Variants in TENM3 observed in about 807,000 individuals in gnomAD.
The protein encoded by TENM3 is teneurin transmembrane protein 3.
Under a neutral mutation model 255.1 loss-of-function variants are expected in TENM3, and 63 were observed. The observed-to-expected ratio is 0.25, with a 90% CI of 0.20 to 0.30. The LOEUF (loss-of-function observed/expected upper bound fraction) is 0.30, where lower values mean the gene tolerates loss of function less well. Ranked by LOEUF, TENM3 falls within the 10% of genes least tolerant of loss-of-function variation. The probability of loss-of-function intolerance (pLI) is 1.00; values close to 1 mark genes in which losing one functional copy is unlikely to be tolerated. For missense variants in TENM3, 2,929 were observed against 3,461.1 expected, an observed-to-expected ratio of 0.85 and a Z score of 3.86; for synonymous variants, 1,306 against 1,322.3, an observed-to-expected ratio of 0.99 and a Z score of 0.27.
chr4:182,568,881 G>A (rs1272726862), intron 3 of TENM3, among the ~76,000 whole-genome samples: 3 of 152,164 alleles, frequency 2.0e-5, no homozygotes, highest in Non-Finnish European at 4.4e-5. Context: ...AGGCACAAAC[G>A]AGTACATACT....
intron 11 of TENM3, among the ~76,000 whole-genome samples, chr4:182,683,100 A>G (rs1018210647): frequency 1.3e-5 from 2 of 152,178 alleles, no homozygotes; most frequent in African/African-American, 4.8e-5. Flanking sequence ...ACTTAAGAGC[A>G]TGGACTGTGA....
the TENM3 span, among the ~76,000 whole-genome samples, chr4:181,852,900 T>G: frequency 6.6e-5 from 10 of 152,300 alleles, no homozygotes; most frequent in African/African-American, 2.4e-4. Flanking sequence ...TTAACGCCAC[T>G]GAATCTTACA....
the TENM3 span, among the ~76,000 whole-genome samples, chr4:181,489,551 G>A: frequency 6.6e-6 from 1 of 152,138 alleles, no homozygotes; most frequent in African/African-American, 2.4e-5. Flanking sequence ...TGAATCATCT[G>A]GAAGTCTCAC....
At chr4:181,794,522 CAAG>C in the TENM3 span, among the ~76,000 whole-genome samples, 1 of 152,110 alleles carries the variant, frequency 6.6e-6, no homozygotes, top group African/African-American at 2.4e-5. Flanking sequence ...ATTCCACATA[CAAG>C]TGAGATCCTG....
chr4:182,673,763 A>G (rs2152554796), intron 7 of TENM3, among the ~76,000 whole-genome samples: 1 of 152,356 alleles, frequency 6.6e-6, no homozygotes, highest in Admixed American at 6.5e-5. Context: ...GAGAGCTTTC[A>G]GAGATAACCA....
chr4:181,986,559 C>T, the TENM3 span, among the ~76,000 whole-genome samples: 2 of 152,120 alleles, frequency 1.3e-5, no homozygotes, highest in East Asian at 3.9e-4. Context: ...CATGACTCCC[C>T]CTTCAATATT....
rs1766180252 is a variant in TENM3 at position 182,792,401 on chromosome 4, A to G, written c.5729A>G (p.Tyr1910Cys). Residue 1910 changes from tyrosine (Y) to cysteine (C), a missense_variant, in exon 26 of 28, where the codon TAC (tyrosine) becomes TGC (cysteine). This residue lies in a region of TENM3 where 303 missense variants were observed against 425.2 expected (regional missense o/e 0.71). Coordinates refer to ENST00000511685, the MANE Select transcript of TENM3 (RefSeq NM_001080477.4). The surrounding 1 kb of genome is among the most constrained non-coding windows in gnomAD (Gnocchi z 6.3). ...HTMQTIRSIG[Y>C]YRNIYNPPES... ...ATGCAGACCATCCGATCCATTGGCT[A>G]CTACCGCAACATATACAACCCCCCG... The G allele has an allele frequency of 2.5e-6, 4 of 1,614,046 alleles. No individual in the cohort carries two copies. The East Asian group carries it at 8.9e-5, about 36-fold the overall frequency.
rs1363588253 is a variant in TENM3 at position 182,738,319 on chromosome 4, A to G, written c.3236-82A>G. 2.3e-6 allele frequency: 3 copies of G among 1,316,616 alleles called. No homozygotes were observed. The African/African-American group carries it at 4.5e-5, about 20-fold the overall frequency. The allele number at this position is 1,316,616 out of a possible 1,614,324, so 81.6% of individuals were successfully genotyped here. A position where few individuals can be genotyped will look rare whatever the true frequency, so the allele number is the denominator to read the frequency against. On this transcript the variant is annotated intron_variant, in intron 17 of 27. Transcript: ENST00000511685. ...CAGTCTCAGAACACAGATGTGAAAA[A>G]GGCAGTTTTTTCCAAGTAAGAAAAT...
chr4:181,668,892 A>C, the TENM3 span, among the ~76,000 whole-genome samples: 30 of 152,306 alleles, frequency 2.0e-4, no homozygotes, highest in East Asian at 1.5e-3. Flanking sequence ...AGTTTAACTT[A>C]ACTTACACCT....
intron 2 of TENM3, among the ~76,000 whole-genome samples, chr4:182,339,787 C>A (rs1409327745): frequency 2.0e-5 from 3 of 152,130 alleles, no homozygotes; most frequent in South Asian, 2.1e-4. Flanking sequence ...TACTGCAGTT[C>A]GACTATCAGA....
chr4:182,151,169 G>T (rs1315104643), intron 1 of TENM3, among the ~76,000 whole-genome samples: 1 of 152,030 alleles, frequency 6.6e-6, no homozygotes, highest in Non-Finnish European at 1.5e-5. Flanking sequence ...TCTTAGGAGA[G>T]TTTATGTTCT....
chr4:181,778,377 A>G, the TENM3 span, among the ~76,000 whole-genome samples: 1 of 152,152 alleles, frequency 6.6e-6, no homozygotes, highest in African/African-American at 2.4e-5. Context: ...AATGTTGGTA[A>G]CTTTATTGTA....
intron 1 of TENM3, among the ~76,000 whole-genome samples, chr4:182,165,427 C>CGA (rs1314165966): frequency 3.3e-5 from 5 of 152,182 alleles, no homozygotes; most frequent in Admixed American, 3.3e-4. Context: ...AAGCTGACTT[C>CGA]TGATTTGTGG....
At chr4:181,782,180 G>C in the TENM3 span, among the ~76,000 whole-genome samples, 1 of 152,108 alleles carries the variant, frequency 6.6e-6, no homozygotes, top group Non-Finnish European at 1.5e-5. Flanking sequence ...GATTGGAATA[G>C]TTTCAGAAGG....
In TENM3 at chr4:182,432,845, T is replaced by TG. The variant is rs1218210164; in HGVS notation, c.511+85916_511+85917insG. 2.1e-5 allele frequency among the ~76,000 whole-genome samples: 3 copies of TG among 145,444 alleles called. No individual in the cohort carries two copies. The East Asian group carries it at 6.2e-4, about 30-fold the overall frequency. On this transcript the variant is annotated intron_variant, in intron 3 of 27. Transcript: ENST00000511685. ...TTCAAATTTTTCATCAGGGAATGGA[T>TG]TTGGGTGTGTGTGTGTGTGTTTTAG...
Position 182,653,767 on chromosome 4 carries a change from C to G in TENM3, c.989-4C>G. 6.2e-7 allele frequency: 1 copy of G among 1,605,958 alleles called. No homozygotes were observed. Among genetic ancestry groups the G allele is most frequent in the Non-Finnish European group, 8.5e-7 (1 of 1,176,046 alleles). On this transcript the variant is annotated splice_region_variant and splice_polypyrimidine_tract_variant and intron_variant, in intron 5 of 27. Coordinates refer to ENST00000511685, the MANE Select transcript of TENM3 (RefSeq NM_001080477.4). ...TTTAAACAACTTGTGTTCTTTACCCCCAGCAATGCATCTCTTTGGCCTCAA... is the reference window on the plus strand; with the variant it reads ...TTTAAACAACTTGTGTTCTTTACCCGCAGCAATGCATCTCTTTGGCCTCAA...
chr4:181,472,309 T>C, the TENM3 span, among the ~76,000 whole-genome samples: 99,689 of 151,920 alleles, frequency 0.66, 33,838 homozygotes, highest in Non-Finnish European at 0.75. Flanking sequence ...AGGGCAATGG[T>C]ATTATGGCAG....
At chr4:181,605,593 G>GA in the TENM3 span, among the ~76,000 whole-genome samples, 1,874 of 97,210 alleles carry the variant, frequency 0.019, 231 homozygotes, top group Admixed American at 0.038. Flanking sequence ...AGGAAAGAAA[G>GA]AAAGAAAGAA....
the TENM3 span, among the ~76,000 whole-genome samples, chr4:182,060,023 G>T: frequency 6.6e-6 from 1 of 152,096 alleles, no homozygotes; most frequent in South Asian, 2.1e-4. Flanking sequence ...TGGGAGGATT[G>T]TTTAAGCCCA....
Sources: gnomAD v4.1 joint callset for allele counts (sites outside exome capture counted in the v4.1 genomes callset) on GRCh38, gnomAD v4.1.1 for gene constraint, gnomAD v4.1.1 regional missense constraint, Gnocchi (gnomAD v3.1) non-coding constraint, MANE v1.5 for transcripts, NCBI Gene and HGNC (gene_info 2026-07-23, HGNC 2026-07-21) for gene names.